FARP2: variants seen among roughly 807,000 people sequenced by gnomAD.
FARP2 encodes the protein FERM, ARHGEF and pleckstrin domain-containing protein 2.
Under a neutral mutation model 130.5 loss-of-function variants are expected in FARP2, and 111 were observed. The ratio of observed to expected loss-of-function variants is 0.85; its 90% CI spans 0.73 to 1.00. FARP2 has a LOEUF of 1.00. Ranked by LOEUF, FARP2 falls within the 50% of genes least tolerant of loss-of-function variation. The pLI is 0.00. For missense variants in FARP2, 1,385 were observed against 1,346.3 expected, an observed-to-expected ratio of 1.03 and a Z score of -0.45; for synonymous variants, 504 against 516.9, an observed-to-expected ratio of 0.98 and a Z score of 0.34.
At chr2:241,478,448 A>G in intron 19 of FARP2, 1 of 266,308 alleles carries the variant, frequency 3.8e-6, no homozygotes, top group South Asian at 4.2e-5. Flanking sequence ...CTGGCTCAAC[A>G]TTGGTGGCAC....
At chr2:241,464,613 G>A (rs1249547362) in intron 17 of FARP2, among the ~76,000 whole-genome samples, 1 of 151,060 alleles carries the variant, frequency 6.6e-6, no homozygotes, top group African/African-American at 2.4e-5. Flanking sequence ...GGTCTTCTCA[G>A]AATAGCATCC....
chr2:241,413,210 T>G, intron 6 of FARP2, 97 bp from the exon 7 acceptor site: 2 of 680,572 alleles, frequency 2.9e-6, no homozygotes, highest in South Asian at 2.2e-5. Flanking sequence ...TGCTACAAAT[T>G]TGGGATAATT....
chr2:241,420,611 C>T (rs1423433400), intron 8 of FARP2, among the ~76,000 whole-genome samples: 1 of 152,166 alleles, frequency 6.6e-6, no homozygotes, highest in Non-Finnish European at 1.5e-5. Context: ...AAAACATTTG[C>T]AAATTAAAAT....
intron 12 of FARP2, among the ~76,000 whole-genome samples, chr2:241,438,536 A>C (rs2063299934): frequency 6.6e-6 from 1 of 152,128 alleles, no homozygotes; most frequent in African/African-American, 2.4e-5. Flanking sequence ...CAGACTAGAC[A>C]ACAGGGTAAG....
intron 21 of FARP2, 48 bp downstream of exon 21, chr2:241,484,379 G>A (rs750145600): frequency 2.0e-6 from 3 of 1,485,712 alleles, no homozygotes; most frequent in African/African-American, 1.4e-5. Flanking sequence ...GTGCTGGGCT[G>A]GGCCCCACCT....
intron 11 of FARP2, 105 bp downstream of exon 11, chr2:241,435,135 C>T (rs2150403204): frequency 1.6e-6 from 1 of 631,732 alleles, no homozygotes; most frequent in Non-Finnish European, 2.6e-6. Context: ...GCTCCGTCAC[C>T]TAAGCTGGAA....
chr2:241,403,950 G>A lies in FARP2; in HGVS notation c.288+18G>A, dbSNP rs1429439491. On this transcript the variant is annotated intron_variant, in intron 3 of 26. Transcript: ENST00000264042. ...CCTACTGGGTAAGTGCTTATGACGT[G>A]CCCAGGCGTGGAGCCTTTGGGCCTG... The A allele has an allele frequency of 4.1e-6, 6 of 1,447,006 alleles. No homozygotes were observed. The highest frequency in any genetic ancestry group is 5.8e-6 in the Non-Finnish European group (6 of 1,027,930). The allele number at this position is 1,447,006 out of a possible 1,614,324, so 89.6% of individuals were successfully genotyped here. A position where few individuals can be genotyped will look rare whatever the true frequency, so the allele number is the denominator to read the frequency against.
At chr2:241,404,053 T>C in intron 3 of FARP2, 121 bp downstream of exon 3, 2 of 628,940 alleles carry the variant, frequency 3.2e-6, no homozygotes, top group Non-Finnish European at 5.7e-6. Flanking sequence ...AATATATTCT[T>C]GTTAGCTGTA....
chr2:241,400,753 G>T (rs2062145964), intron 2 of FARP2, among the ~76,000 whole-genome samples: 2 of 152,278 alleles, frequency 1.3e-5, no homozygotes, highest in Non-Finnish European at 2.9e-5. Flanking sequence ...CTCAGGGAGA[G>T]TCATGAGGAG....
At chr2:241,461,133 C>T (rs1047245492) in intron 14 of FARP2, among the ~76,000 whole-genome samples, 1 of 152,182 alleles carries the variant, frequency 6.6e-6, no homozygotes. Flanking sequence ...TCCTGATACT[C>T]CTCCCAAACC....
chr2:241,377,877 A>G (rs1173521145), intron 2 of FARP2, among the ~76,000 whole-genome samples: 1 of 152,220 alleles, frequency 6.6e-6, no homozygotes, highest in Non-Finnish European at 1.5e-5. Flanking sequence ...ACCTAGGAGT[A>G]GAATTGCTGG....
At chr2:241,486,494 G>GAAAAGAAA (rs1254884018) in intron 21 of FARP2, among the ~76,000 whole-genome samples, 2 of 107,098 alleles carry the variant, frequency 1.9e-5, no homozygotes, top group African/African-American at 7.2e-5. Context: ...AAAACACAGA[G>GAAAAGAAA]AAAAGAAACA....
At chr2:241,488,573 T>C (rs1174082974) in intron 21 of FARP2, 1 of 152,126 alleles carries the variant, frequency 6.6e-6, no homozygotes, top group Non-Finnish European at 1.5e-5. Context: ...GCTAATTTTT[T>C]GTATTTTTAG....
chr2:241,395,036 G>A (rs1251129405), intron 2 of FARP2, among the ~76,000 whole-genome samples: 9 of 152,188 alleles, frequency 5.9e-5, no homozygotes, highest in Non-Finnish European at 1.0e-4. Flanking sequence ...GCTTTCCTGT[G>A]CTACCTTATT....
intron 13 of FARP2, chr2:241,446,444 A>T (rs2063516426): frequency 6.6e-6 from 1 of 152,146 alleles, no homozygotes; most frequent in South Asian, 2.1e-4. Context: ...GCTTTGGTGT[A>T]CGGGTATGTT....
chr2:241,477,531 G>A (rs1399094909), intron 19 of FARP2, among the ~76,000 whole-genome samples: 3 of 152,162 alleles, frequency 2.0e-5, no homozygotes, highest in Admixed American at 6.5e-5. Flanking sequence ...TGGCTGTTAC[G>A]AATAGTGCTG....
At chr2:241,478,471 C>T (rs975451868) in intron 19 of FARP2, 1 of 277,530 alleles carries the variant, frequency 3.6e-6, no homozygotes. Context: ...ACTTTCTCAC[C>T]ACCCAGCAGA....
At chr2:241,398,394 A>G (rs1208472153) in intron 2 of FARP2, among the ~76,000 whole-genome samples, 2 of 152,150 alleles carry the variant, frequency 1.3e-5, no homozygotes, top group Non-Finnish European at 2.9e-5. Context: ...ACATGAATAC[A>G]ATATGTACTA....
chr2:241,363,240 G>C (rs2061230037), intron 1 of FARP2, among the ~76,000 whole-genome samples: 1 of 152,222 alleles, frequency 6.6e-6, no homozygotes, highest in South Asian at 2.1e-4. Context: ...GTGGGAGAAA[G>C]CCATTATTTT....
Sources: allele counts gnomAD v4.1 joint callset (sites outside exome capture counted in the v4.1 genomes callset), GRCh38; gene constraint gnomAD v4.1.1; transcripts MANE v1.5; gene names NCBI Gene and HGNC (gene_info 2026-07-23, HGNC 2026-07-21).